Variants in SNTG1 observed in about 807,000 individuals in gnomAD.
SNTG1 encodes the protein gamma-1-syntrophin.
SNTG1 carries 39 observed loss-of-function variants against 74.7 expected under a neutral mutation model. The observed-to-expected ratio is 0.52, with a 90% CI of 0.40 to 0.68. The LOEUF (loss-of-function observed/expected upper bound fraction) is 0.68, where lower values mean the gene tolerates loss of function less well. Ranked by LOEUF, SNTG1 falls within the 30% of genes least tolerant of loss-of-function variation. The pLI is 0.00. For synonymous variants in SNTG1, 254 were observed against 217.1 expected, an observed-to-expected ratio of 1.17 and a Z score of -1.49; for missense variants, 685 against 609.5, an observed-to-expected ratio of 1.12 and a Z score of -1.30.
rs1811434626 is a variant in SNTG1 at position 49,969,385 on chromosome 8, A to ATATTTTTTTTTTTTTTTTTTTTTTTTTTT, written c.-103+57155_-103+57156insATTTTTTTTTTTTTTTTTTTTTTTTTTTT. Among the ~76,000 whole-genome samples the ATATTTTTTTTTTTTTTTTTTTTTTTTTTT allele has an allele frequency of 1.7e-5, 2 of 116,628 alleles. 1 individual carries two copies. The allele number at this position is 116,628 out of a possible 152,430, so 76.5% of individuals were successfully genotyped here. The stretch of plus-strand genomic sequence containing the variant: ...GCAAATACACATTTTAATTCATTTA[A>ATATTTTTTTTTTTTTTTTTTTTTTTTTTT]TCTTTTTTTTTTTTTTTTTTTTTTT... On this transcript the variant is annotated intron_variant, in intron 1 of 18. Coordinates refer to ENST00000642720, the MANE Select transcript of SNTG1 (RefSeq NM_018967.5).
chr8:50,556,592 T>A (rs1563571033), intron 12 of SNTG1, among the ~76,000 whole-genome samples: 1 of 152,342 alleles, frequency 6.6e-6, no homozygotes, highest in East Asian at 1.9e-4. Context: ...CATGATCATT[T>A]CTTATTAAAT....
chr8:50,250,894 C>G (rs1028789946), intron 2 of SNTG1, among the ~76,000 whole-genome samples: 8 of 152,072 alleles, frequency 5.3e-5, no homozygotes, highest in Middle Eastern at 3.4e-3. Context: ...AAATACAAAA[C>G]TCAGCAGTAT....
intron 12 of SNTG1, among the ~76,000 whole-genome samples, chr8:50,559,122 A>C (rs552180271): frequency 6.6e-6 from 1 of 152,322 alleles, no homozygotes; most frequent in East Asian, 1.9e-4. Flanking sequence ...AAATCATGCC[A>C]GATAGAGGCT....
chr8:50,680,434 A>C (rs980676777), intron 15 of SNTG1, among the ~76,000 whole-genome samples: 12 of 152,128 alleles, frequency 7.9e-5, no homozygotes, highest in African/African-American at 2.9e-4. Context: ...GGTCGATACC[A>C]ATTATGTGAA....
At chr8:50,228,312 T>C (rs2085445716) in intron 2 of SNTG1, among the ~76,000 whole-genome samples, 1 of 151,914 alleles carries the variant, frequency 6.6e-6, no homozygotes, top group South Asian at 2.1e-4. Context: ...AACTATTACA[T>C]ACAGGTATGT....
intron 1 of SNTG1, among the ~76,000 whole-genome samples, chr8:50,158,557 T>C (rs145391671): frequency 1.4e-3 from 219 of 152,278 alleles, no homozygotes; most frequent in African/African-American, 4.8e-3. Flanking sequence ...AAATAGGAAG[T>C]CAAAGTTTGT....
At chr8:50,732,772 C>T (rs986032377) in intron 17 of SNTG1, among the ~76,000 whole-genome samples, 2 of 151,752 alleles carry the variant, frequency 1.3e-5, no homozygotes. Flanking sequence ...TTTCAGTGAT[C>T]TTTACTAATA....
At chr8:50,428,056 C>T (rs928756822) in intron 4 of SNTG1, among the ~76,000 whole-genome samples, 4 of 152,144 alleles carry the variant, frequency 2.6e-5, no homozygotes, top group Non-Finnish European at 5.9e-5. Context: ...GTGGCTTGCA[C>T]CTGTAAACCC....
intron 9 of SNTG1, among the ~76,000 whole-genome samples, chr8:50,509,949 C>T (rs918195566): frequency 1.4e-4 from 21 of 152,266 alleles, no homozygotes; most frequent in Middle Eastern, 3.4e-3. Context: ...GCTTCCAACA[C>T]TATGTTGAAT....
At chr8:50,456,698 A>C (rs1031141000) in intron 8 of SNTG1, among the ~76,000 whole-genome samples, 1 of 152,190 alleles carries the variant, frequency 6.6e-6, no homozygotes, top group African/African-American at 2.4e-5. Context: ...TATAAAATTT[A>C]GAGGGACACA....
chr8:50,321,972 T>A (rs550461199), intron 2 of SNTG1, among the ~76,000 whole-genome samples: 9 of 152,278 alleles, frequency 5.9e-5, no homozygotes, highest in African/African-American at 2.2e-4. Flanking sequence ...AGTTTATACA[T>A]CAAAATTACA....
chr8:50,090,291 C>T (rs191640074), intron 1 of SNTG1, among the ~76,000 whole-genome samples: 15 of 152,188 alleles, frequency 9.9e-5, no homozygotes, highest in East Asian at 1.9e-4. Flanking sequence ...GACTTGTAAC[C>T]GAAGAGGTAA....
At position 49,911,560 on chromosome 8, in the gene SNTG1, AAAAG is replaced by A. The variant is rs929748132; in HGVS notation, c.-766_-763del. 7.6e-6 allele frequency: 1 copy of A among 131,646 alleles called. No homozygotes were observed. The highest frequency in any genetic ancestry group is 1.7e-5 in the Non-Finnish European group (1 of 59,914). 8.2% of individuals were successfully genotyped at this position (131,646 alleles called of 1,614,324 possible). ...AAACAATTAGCCCCTACAAAAAAAAAAAAGAAAGAAAAAAGAAAAAAAAAAGAAC... is the reference window on the plus strand; with the variant it reads ...AAACAATTAGCCCCTACAAAAAAAAAAAAGAAAAAAGAAAAAAAAAAGAAC... On this transcript the variant is annotated 5_prime_UTR_variant, in exon 1 of 19. Transcript: ENST00000642720.
intron 13 of SNTG1, among the ~76,000 whole-genome samples, chr8:50,637,593 T>C (rs1048198473): frequency 3.9e-5 from 6 of 152,134 alleles, no homozygotes; most frequent in African/African-American, 1.4e-4. Context: ...GTACAATTTT[T>C]AGTATAGTAC....
chr8:50,170,385 G>GA (rs1563689891), intron 1 of SNTG1, among the ~76,000 whole-genome samples: 1 of 151,966 alleles, frequency 6.6e-6, no homozygotes, highest in African/African-American at 2.4e-5. Context: ...AACAACCTAT[G>GA]AAAAAACTTA....
chr8:50,674,888 G>T lies in SNTG1; in HGVS notation c.1038+16225G>T, dbSNP rs143529469. On this transcript the variant is annotated intron_variant, in intron 15 of 18. Coordinates refer to ENST00000642720, the MANE Select transcript of SNTG1 (RefSeq NM_018967.5). ...CACCTTTGTTCTCATTTGTTTTGAA[G>T]AACTTCTTGATTTCTGCTTTAATTT... is the stretch of plus-strand genomic sequence containing the variant. Among the ~76,000 whole-genome samples, 36 of 152,034 alleles carry T rather than the reference G, an allele frequency of 2.4e-4. No individual in the cohort carries two copies. In the East Asian group the frequency reaches 5.8e-3, roughly 25 times the overall value.
At chr8:50,055,332 C>T (rs970462824) in intron 1 of SNTG1, among the ~76,000 whole-genome samples, 2 of 151,958 alleles carry the variant, frequency 1.3e-5, no homozygotes, top group Non-Finnish European at 2.9e-5. Flanking sequence ...AGAAGCACTC[C>T]CATTTTATTA....
intron 2 of SNTG1, among the ~76,000 whole-genome samples, chr8:50,229,192 G>C (rs2085490263): frequency 6.6e-6 from 1 of 151,476 alleles, no homozygotes; most frequent in Non-Finnish European, 1.5e-5. Flanking sequence ...GACAGAAAAA[G>C]AGGGGAAAAT....
rs565561398 is a variant in SNTG1 at position 49,980,521 on chromosome 8, C to CAAAAAAAAAAAAAAAA, written c.-103+68305_-103+68320dup. Among the ~76,000 whole-genome samples the CAAAAAAAAAAAAAAAA allele has an allele frequency of 4.5e-4, 24 of 53,830 alleles. 1 individual carries two copies. Among genetic ancestry groups the CAAAAAAAAAAAAAAAA allele is most frequent in the African/African-American group, 1.6e-3 (22 of 13,596 alleles). 35.3% of individuals were successfully genotyped at this position (53,830 alleles called of 152,430 possible). ...ACATCCCTTCCTGTAGACTCCTTCG[C>CAAAAAAAAAAAAAAAA]AAAAAAAAAAAAAAAAAAAAAAAAA... On this transcript the variant is annotated intron_variant, in intron 1 of 18. Coordinates refer to ENST00000642720, the MANE Select transcript of SNTG1 (RefSeq NM_018967.5).
Sources: gnomAD v4.1 joint callset for allele counts (sites outside exome capture counted in the v4.1 genomes callset) on GRCh38, gnomAD v4.1.1 for gene constraint, MANE v1.5 for transcripts, NCBI Gene and HGNC (gene_info 2026-07-23, HGNC 2026-07-21) for gene names.